CA10: variants seen among roughly 807,000 people sequenced by gnomAD.
CA10 encodes carbonic anhydrase 10 (inactive), also known as carbonic anhydrase-related protein 10.
A neutral mutation model predicts 44.2 loss-of-function variants in CA10; 14 were observed. That is an observed-to-expected ratio of 0.32 (90% CI 0.21 to 0.50). The LOEUF is 0.50. Among genes scored for constraint, CA10 ranks in the 20% least tolerant of loss-of-function variants. The pLI, the probability that CA10 is intolerant of heterozygous loss-of-function variation, is 0.99. For synonymous variants in CA10, 159 were observed against 141.6 expected (o/e 1.12, Z -0.87); for missense variants, 350 against 409.7 (o/e 0.85, Z 1.26).
intron 4 of CA10, among the ~76,000 whole-genome samples, chr17:51,688,907 G>GCCAGGT (rs1490788336): frequency 2.6e-5 from 4 of 152,150 alleles, no homozygotes; most frequent in African/African-American, 9.7e-5. Flanking sequence ...GTTATTACAG[G>GCCAGGT]CCAGGTGTTG....
At chr17:52,111,642 T>G (rs759497889) in intron 1 of CA10, among the ~76,000 whole-genome samples, 1 of 152,134 alleles carries the variant, frequency 6.6e-6, no homozygotes, top group Non-Finnish European at 1.5e-5. Context: ...CCCCAGGCAC[T>G]CAGGGATAGA....
chr17:51,920,239 C>G (rs1468562631), intron 3 of CA10, among the ~76,000 whole-genome samples: 1 of 151,982 alleles, frequency 6.6e-6, no homozygotes, highest in Admixed American at 6.5e-5. Flanking sequence ...AGTGGAGAAC[C>G]AATTTCACTC....
At chr17:51,714,773 C>T (rs1916045826) in intron 4 of CA10, among the ~76,000 whole-genome samples, 1 of 152,140 alleles carries the variant, frequency 6.6e-6, no homozygotes, top group African/African-American at 2.4e-5. Flanking sequence ...AAATCTACAC[C>T]TATGAGGGAT....
chr17:51,969,296 C>A (rs749614369), intron 2 of CA10, among the ~76,000 whole-genome samples: 2 of 151,948 alleles, frequency 1.3e-5, no homozygotes, highest in African/African-American at 2.4e-5. Flanking sequence ...CCACCACATT[C>A]CAGGTAAAAT....
chr17:51,788,587 T>A (rs1213882479), intron 3 of CA10, among the ~76,000 whole-genome samples: 3 of 152,224 alleles, frequency 2.0e-5, no homozygotes, highest in African/African-American at 7.2e-5. Flanking sequence ...AAATATCACA[T>A]ACACTCCATA....
intron 6 of CA10, among the ~76,000 whole-genome samples, chr17:51,643,320 A>G (rs1913176026): frequency 6.6e-6 from 1 of 152,230 alleles, no homozygotes; most frequent in Non-Finnish European, 1.5e-5. Flanking sequence ...ATTCCAATAC[A>G]CTACGTTAAA....
Position 51,868,891 on chromosome 17 carries a change from G to GTT in CA10, c.279+62097_279+62098dup, listed in dbSNP as rs75281671. Reference sequence around the variant, plus strand: ...TAGCTATGAAGCCAAAAGTTTTTTTGTTTTTTTTTTTTTACAAAAGATGTT... The same window carrying GTT: ...TAGCTATGAAGCCAAAAGTTTTTTTGTTTTTTTTTTTTTTTACAAAAGATGTT... On this transcript the variant is annotated intron_variant, in intron 3 of 8. Transcript: ENST00000451037. Among the ~76,000 whole-genome samples, 1,157 of 139,398 alleles carry GTT rather than the reference G, an allele frequency of 8.3e-3. 14 individuals are homozygous for GTT. The highest frequency in any genetic ancestry group is 0.028 in the African/African-American group (1,081 of 38,668). 91.5% of individuals were successfully genotyped at this position (139,398 alleles called of 152,430 possible).
chr17:51,874,524 T>C (rs1478392974), intron 3 of CA10, among the ~76,000 whole-genome samples: 1 of 152,134 alleles, frequency 6.6e-6, no homozygotes, highest in Admixed American at 6.5e-5. Context: ...CGGGCAGAGT[T>C]GATTAGAATA....
At chr17:51,783,240 T>C (rs1162100942) in intron 3 of CA10, among the ~76,000 whole-genome samples, 3 of 152,220 alleles carry the variant, frequency 2.0e-5, no homozygotes, top group Non-Finnish European at 2.9e-5. Context: ...TGAATACTTA[T>C]TGAATGGCCC....
chr17:51,654,201 T>G (rs952648320), intron 4 of CA10, among the ~76,000 whole-genome samples: 1 of 152,184 alleles, frequency 6.6e-6, no homozygotes, highest in East Asian at 1.9e-4. Flanking sequence ...GGGATGAAAC[T>G]GGCCAGCCTG....
Position 51,768,596 on chromosome 17 carries a change from C to T in CA10, c.280-20778G>A, listed in dbSNP as rs79337468. ...TGTCATCTGCTTACATGGGGAGAGA[C>T]ATTTATGAGGCCAGGGTTCCTGACT... On this transcript the variant is annotated intron_variant, in intron 3 of 8. Coordinates refer to ENST00000451037, the MANE Select transcript of CA10 (RefSeq NM_020178.5). Among the ~76,000 whole-genome samples, 216 of 152,290 alleles carry T rather than the reference C, an allele frequency of 1.4e-3. 1 individual carries two copies. The highest frequency in any genetic ancestry group is 5.1e-3 in the African/African-American group (214 of 41,588).
chr17:52,019,272 C>T (rs1251218609), intron 2 of CA10, among the ~76,000 whole-genome samples: 1 of 151,946 alleles, frequency 6.6e-6, no homozygotes, highest in Admixed American at 6.6e-5. Context: ...AGTCTCATTG[C>T]CATTATTCTC....
chr17:52,015,674 G>A (rs1274496161), intron 2 of CA10, among the ~76,000 whole-genome samples: 1 of 152,058 alleles, frequency 6.6e-6, no homozygotes, highest in Non-Finnish European at 1.5e-5. Flanking sequence ...AGACTTCCTT[G>A]AGAGTCTGAA....
chr17:51,894,722 T>C lies in CA10; in HGVS notation c.279+36268A>G, dbSNP rs138746153. Among the ~76,000 whole-genome samples the C allele has an allele frequency of 5.9e-5, 9 of 152,228 alleles. No homozygotes were observed. In the East Asian group the frequency reaches 1.7e-3, roughly 29 times the overall value. On this transcript the variant is annotated intron_variant, in intron 3 of 8. Coordinates refer to ENST00000451037, the MANE Select transcript of CA10 (RefSeq NM_020178.5). ...TCTGACCTCTAAAAAATTAAAATAA[T>C]GAATTTGTGTTGTTTGTAGTCACTA...
intron 3 of CA10, among the ~76,000 whole-genome samples, chr17:51,807,796 G>T (rs539349186): frequency 5.9e-5 from 9 of 152,324 alleles, no homozygotes; most frequent in African/African-American, 2.2e-4. Context: ...TCACTTATGT[G>T]AAATTCAAGA....
In CA10 at chr17:52,067,908, T is replaced by C. The variant is rs954964670; in HGVS notation, c.136+4411A>G. Among the ~76,000 whole-genome samples, 9 of 152,212 alleles carry C rather than the reference T, an allele frequency of 5.9e-5. 1 individual carries two copies. The highest frequency in any genetic ancestry group is 2.2e-4 in the African/African-American group (9 of 41,442). On this transcript the variant is annotated intron_variant, in intron 2 of 8. Coordinates refer to ENST00000451037, the MANE Select transcript of CA10 (RefSeq NM_020178.5). Reference sequence around the variant, plus strand: ...GCATTGTATCCAGGAAGTAACTAAGTTGCTTTTGATTTTACAGGCTCATAG... The same window carrying C: ...GCATTGTATCCAGGAAGTAACTAAGCTGCTTTTGATTTTACAGGCTCATAG...
At chr17:52,034,364 T>G (rs1280213831) in intron 2 of CA10, among the ~76,000 whole-genome samples, 3 of 152,176 alleles carry the variant, frequency 2.0e-5, no homozygotes, top group Admixed American at 2.0e-4. Flanking sequence ...TATCTCAAAG[T>G]TTTTTAAAGC....
chr17:52,139,112 A>G (rs1989422419), intron 1 of CA10, among the ~76,000 whole-genome samples: 1 of 152,134 alleles, frequency 6.6e-6, no homozygotes, highest in Admixed American at 6.5e-5. Flanking sequence ...GGGAGGAGAG[A>G]AAGAGAATAT....
intron 3 of CA10, among the ~76,000 whole-genome samples, chr17:51,847,274 T>C (rs1425197652): frequency 1.3e-5 from 2 of 152,214 alleles, no homozygotes; most frequent in Non-Finnish European, 2.9e-5. Context: ...ATCTTCCCTC[T>C]TGCAGGGAAA....
Sources: gnomAD v4.1 joint callset for allele counts (sites outside exome capture counted in the v4.1 genomes callset) on GRCh38, gnomAD v4.1.1 for gene constraint, MANE v1.5 for transcripts, NCBI Gene and HGNC (gene_info 2026-07-23, HGNC 2026-07-21) for gene names.